Variants in SPATA7 observed in about 807,000 individuals in gnomAD.
SPATA7 encodes the protein spermatogenesis-associated protein 7.
SPATA7 carries 43 observed loss-of-function variants against 51.8 expected under a neutral mutation model. That is an observed-to-expected ratio of 0.83 (90% CI 0.65 to 1.07). SPATA7 has a LOEUF of 1.07. SPATA7 is among the 50% of genes least tolerant of loss of function. The probability of loss-of-function intolerance (pLI) is 0.00; values close to 1 mark genes in which losing one functional copy is unlikely to be tolerated. For synonymous variants in SPATA7, 230 were observed against 252.8 expected (o/e 0.91, Z 0.86); for missense variants, 683 against 701.3 (o/e 0.97, Z 0.30).
downstream of SPATA7, among the ~76,000 whole-genome samples, chr14:88,439,136 G>A (rs1446011739): frequency 1.3e-5 from 2 of 152,192 alleles, no homozygotes; most frequent in Non-Finnish European, 2.9e-5. Context: ...AAGCGGTTTT[G>A]TAGGCTATGG....
At chr14:88,468,163 A>T (rs2077394303) in intron 4 of SPATA7, 1 of 1,613,840 alleles carries the variant, frequency 6.2e-7, no homozygotes, top group South Asian at 1.1e-5. Flanking sequence ...CTTTTCAGGA[A>T]CTGGATGAGG....
intron 4 of SPATA7, among the ~76,000 whole-genome samples, chr14:88,462,461 A>C (rs2077323859): frequency 2.0e-5 from 3 of 152,364 alleles, no homozygotes; most frequent in Admixed American, 2.0e-4. Context: ...TTAAGAGTGA[A>C]TACTGAAGAT....
chr14:88,455,733 AT>A (rs1205334363), downstream of SPATA7, among the ~76,000 whole-genome samples: 1 of 151,570 alleles, frequency 6.6e-6, no homozygotes, highest in Non-Finnish European at 1.5e-5. Context: ...CATTTATCCC[AT>A]TTTTTATTAT....
In SPATA7 at chr14:88,437,876, C is replaced by G. The variant is rs1174622839; in HGVS notation, c.1254C>G (p.Asp418Glu). 6.2e-7 allele frequency: 1 copy of G among 1,608,168 alleles called. No individual in the cohort carries two copies. Among genetic ancestry groups the G allele is most frequent in the African/African-American group, 1.3e-5 (1 of 74,542 alleles). Residue 418 changes from aspartate (D) to glutamate (E), a missense_variant, in exon 12 of 12, where the codon GAC becomes GAG. By Grantham distance (45) the Asp-to-Glu change is conservative (BLOSUM62 2). Transcript: ENST00000393545. ...ACCTGCTGCATGTCCTGAAAGTAGA[C>G]TTAGGCTGCACATCGGAGGAAAACT... ...MRHLLHVLKV[D>E]LGCTSEENSV...
chr14:88,448,188 T>C (rs1347818636), intron 3 of SPATA7, among the ~76,000 whole-genome samples: 3 of 152,170 alleles, frequency 2.0e-5, no homozygotes, highest in African/African-American at 7.2e-5. Flanking sequence ...TCGTTTCTTT[T>C]TATTCTTTTT....
At chr14:88,454,052 C>T (rs2140052726) in intron 3 of SPATA7, among the ~76,000 whole-genome samples, 1 of 152,266 alleles carries the variant, frequency 6.6e-6, no homozygotes. Flanking sequence ...CAAGTTTCTC[C>T]CGAGAGAAAG....
Position 88,426,267 on chromosome 14 carries a change from A to T in SPATA7, c.408A>T (p.Leu136Phe). 1.9e-6 allele frequency: 3 copies of T among 1,614,078 alleles called. No homozygotes were observed. Among genetic ancestry groups the T allele is most frequent in the Non-Finnish European group, 2.5e-6 (3 of 1,179,994 alleles). ...SGEPQIEDDM[L>F]KEEMNGFSSF... ...AACCGCAAATTGAGGATGACATGTT[A>T]AAAGAAGAAATGAATGGATTTTCAT... The change falls in exon 6 of 12, where the codon TTA becomes TTT. Residue 136 changes from leucine (L) to phenylalanine (F), a missense_variant. Physicochemically the swap from Leu to Phe is conservative, Grantham distance 22. Coordinates refer to ENST00000393545, the MANE Select transcript of SPATA7 (RefSeq NM_018418.5).
At chr14:88,424,997 A>T (rs1439688473) in intron 5 of SPATA7, among the ~76,000 whole-genome samples, 1 of 152,192 alleles carries the variant, frequency 6.6e-6, no homozygotes, top group East Asian at 1.9e-4. Flanking sequence ...CTGTAAAAAA[A>T]ATCTAAAATC....
intron 4 of SPATA7, among the ~76,000 whole-genome samples, chr14:88,398,272 A>G (rs2075952484): frequency 6.6e-6 from 1 of 151,846 alleles, no homozygotes; most frequent in Non-Finnish European, 1.5e-5. Flanking sequence ...AATGTGGCAC[A>G]TATACACCAT....
intron 4 of SPATA7, among the ~76,000 whole-genome samples, chr14:88,398,441 G>A (rs1242839263): frequency 1.5e-5 from 2 of 136,350 alleles, no homozygotes; most frequent in East Asian, 4.5e-4. Flanking sequence ...AGATCACATG[G>A]ACACAGGAAG....
intron 4 of SPATA7, among the ~76,000 whole-genome samples, chr14:88,407,074 C>T (rs1197252042): frequency 1.3e-5 from 2 of 152,172 alleles, no homozygotes; most frequent in African/African-American, 4.8e-5. Context: ...CTGCAATAAA[C>T]ATATGTGTGC....
intron 1 of SPATA7, among the ~76,000 whole-genome samples, chr14:88,387,184 AC>A (rs1213886977): frequency 2.6e-5 from 4 of 152,240 alleles, no homozygotes; most frequent in African/African-American, 9.6e-5. Context: ...GCATTTACTT[AC>A]TATCCCATGG....
chr14:88,389,253 A>C (rs2075673181), intron 1 of SPATA7, among the ~76,000 whole-genome samples: 1 of 150,930 alleles, frequency 6.6e-6, no homozygotes, highest in Admixed American at 6.6e-5. Flanking sequence ...TTTTCGAGAC[A>C]GGGTCTTATT....
chr14:88,470,110 G>A, exon 5 of SPATA7: 1 of 1,520,970 alleles, frequency 6.6e-7, no homozygotes, highest in East Asian at 2.3e-5. Flanking sequence ...AGGTATGTAT[G>A]CATGCATTCA....
intron 9 of SPATA7, among the ~76,000 whole-genome samples, chr14:88,432,194 T>G (rs780482751): frequency 5.8e-4 from 88 of 152,252 alleles, no homozygotes; most frequent in Non-Finnish European, 1.1e-3. Flanking sequence ...ATATTTTATT[T>G]GTAGATTTTA....
intron 4 of SPATA7, among the ~76,000 whole-genome samples, chr14:88,461,836 G>T (rs2140062713): frequency 6.6e-6 from 1 of 152,186 alleles, no homozygotes; most frequent in South Asian, 2.1e-4. Context: ...GTTCCTATTT[G>T]GCTATCTTGG....
Position 88,444,146 on chromosome 14 carries a change from T to C in SPATA7, c.177+6243T>C, listed in dbSNP as rs560001293. 8.9e-4 allele frequency among the ~76,000 whole-genome samples: 135 copies of C among 152,012 alleles called. 1 individual carries two copies. The highest frequency in any genetic ancestry group is 3.0e-3 in the African/African-American group (123 of 41,380). ...TTCTCCACATCCTCTCCAGCACCTG[T>C]TGTTTCCTGACTTTTTAATGATCGC... On this transcript the variant is annotated intron_variant, in intron 3 of 3. Coordinates refer to the SPATA7 transcript ENST00000554802.
At chr14:88,448,236 C>G (rs1390200728) in intron 3 of SPATA7, among the ~76,000 whole-genome samples, 1 of 152,136 alleles carries the variant, frequency 6.6e-6, no homozygotes, top group African/African-American at 2.4e-5. Flanking sequence ...TCATTCATTT[C>G]ATCTTCCATC....
At chr14:88,454,813 G>GA (rs1219249634) in intron 3 of SPATA7, among the ~76,000 whole-genome samples, 4 of 149,446 alleles carry the variant, frequency 2.7e-5, no homozygotes, top group African/African-American at 7.4e-5. Context: ...ATCTCAAAAA[G>GA]AAAAAAAAAG....
Sources: allele counts gnomAD v4.1 joint callset (sites outside exome capture counted in the v4.1 genomes callset), GRCh38; gene constraint gnomAD v4.1.1; transcripts MANE v1.5; gene names NCBI Gene and HGNC (gene_info 2026-07-23, HGNC 2026-07-21).